The following CDH13 variants were observed in gnomAD, a reference collection of about 807,000 sequenced individuals.
The protein encoded by CDH13 is cadherin 13, also known as cadherin-13.
Under a neutral mutation model 63.8 loss-of-function variants are expected in CDH13, and 24 were observed. The observed-to-expected ratio is 0.38, with a 90% CI of 0.27 to 0.53. CDH13 has a LOEUF of 0.53. Among genes scored for constraint, CDH13 ranks in the 20% least tolerant of loss-of-function variants. The pLI is 0.85. For synonymous variants in CDH13, 503 were observed against 355.3 expected, an observed-to-expected ratio of 1.42 and a Z score of -4.67; for missense variants, 1,049 against 903.1, an observed-to-expected ratio of 1.16 and a Z score of -2.07.
chr16:83,537,725 A>G (rs895980731), intron 7 of CDH13, among the ~76,000 whole-genome samples: 3 of 152,198 alleles, frequency 2.0e-5, no homozygotes, highest in Non-Finnish European at 4.4e-5. Flanking sequence ...AAATAAATCT[A>G]TATTAGATTA....
At chr16:82,744,440 A>AT (rs1265059092) in intron 1 of CDH13, among the ~76,000 whole-genome samples, 2 of 151,836 alleles carry the variant, frequency 1.3e-5, no homozygotes, top group Admixed American at 6.6e-5. Context: ...GTTCCTAGGG[A>AT]TTTTTTTGAA....
chr16:83,619,766 C>T (rs892008590), intron 8 of CDH13, among the ~76,000 whole-genome samples: 1 of 152,236 alleles, frequency 6.6e-6, no homozygotes, highest in Admixed American at 6.5e-5. Context: ...TAACTTGATT[C>T]TCTCTGTCAA....
At chr16:83,295,938 A>G (rs1001012591) in intron 5 of CDH13, among the ~76,000 whole-genome samples, 3 of 152,198 alleles carry the variant, frequency 2.0e-5, no homozygotes, top group African/African-American at 4.8e-5. Context: ...CAGTGGATCA[A>G]TGGATCAATG....
intron 7 of CDH13, among the ~76,000 whole-genome samples, chr16:83,557,807 C>A (rs565002479): frequency 6.6e-6 from 1 of 152,230 alleles, no homozygotes; most frequent in African/African-American, 2.4e-5. Context: ...TTCAGACTTC[C>A]CCAGCCACCT....
intron 3 of CDH13, among the ~76,000 whole-genome samples, chr16:83,038,512 T>C (rs1242094669): frequency 6.6e-6 from 1 of 152,154 alleles, no homozygotes; most frequent in African/African-American, 2.4e-5. Flanking sequence ...ACAAAAGGGC[T>C]CTCCTGTCTG....
intron 2 of CDH13, among the ~76,000 whole-genome samples, chr16:83,008,301 G>C (rs1397763334): frequency 6.6e-6 from 1 of 152,240 alleles, no homozygotes; most frequent in East Asian, 1.9e-4. Context: ...GGAAGGGGCA[G>C]ATAACAAAGG....
chr16:82,806,658 T>G (rs900983047), intron 1 of CDH13, among the ~76,000 whole-genome samples: 5 of 150,558 alleles, frequency 3.3e-5, no homozygotes, highest in African/African-American at 1.2e-4. Context: ...GTGGGATTTT[T>G]GTTGTTGTTG....
intron 1 of CDH13, among the ~76,000 whole-genome samples, chr16:82,748,202 C>T (rs1280156212): frequency 2.0e-5 from 3 of 152,272 alleles, no homozygotes; most frequent in Admixed American, 6.5e-5. Flanking sequence ...TGTAGTGGGA[C>T]GTACAACAAC....
intron 4 of CDH13, among the ~76,000 whole-genome samples, chr16:83,201,924 T>TA: frequency 6.6e-6 from 1 of 151,668 alleles, no homozygotes; most frequent in African/African-American, 2.4e-5. Context: ...CAAAAATAAA[T>TA]AAAAAAGATT....
At chr16:83,636,621 A>G (rs190127761) in intron 8 of CDH13, among the ~76,000 whole-genome samples, 5 of 152,290 alleles carry the variant, frequency 3.3e-5, no homozygotes, top group Non-Finnish European at 7.4e-5. Flanking sequence ...ATTATTTTCT[A>G]TGGTTACATA....
chr16:83,064,355 T>C (rs1255566928), intron 3 of CDH13, among the ~76,000 whole-genome samples: 1 of 93,528 alleles, frequency 1.1e-5, no homozygotes, highest in East Asian at 8.3e-4. Context: ...GGTGACAAAG[T>C]GAGACTGTCT....
At chr16:83,153,683 A>G (rs962344036) in intron 4 of CDH13, among the ~76,000 whole-genome samples, 3 of 152,198 alleles carry the variant, frequency 2.0e-5, no homozygotes, top group Non-Finnish European at 2.9e-5. Flanking sequence ...TTTCAATCCT[A>G]TAAGACCAAC....
intron 6 of CDH13, among the ~76,000 whole-genome samples, chr16:83,384,402 A>G (rs1276020633): frequency 6.6e-6 from 1 of 152,206 alleles, no homozygotes; most frequent in Non-Finnish European, 1.5e-5. Context: ...TGAAAGAAGG[A>G]AATAGACTAC....
intron 1 of CDH13, among the ~76,000 whole-genome samples, chr16:82,664,947 A>G (rs1280555406): frequency 2.0e-5 from 3 of 152,186 alleles, no homozygotes; most frequent in Non-Finnish European, 4.4e-5. Flanking sequence ...CTCATTATTC[A>G]TGAATTCTGT....
At chr16:82,640,574 G>A (rs1909274874) in intron 1 of CDH13, among the ~76,000 whole-genome samples, 2 of 152,160 alleles carry the variant, frequency 1.3e-5, no homozygotes, top group Non-Finnish European at 1.5e-5. Context: ...AACACAAGCA[G>A]AGCTAGATTG....
chr16:83,268,232 A>C (rs541420282), intron 5 of CDH13, among the ~76,000 whole-genome samples: 21 of 152,242 alleles, frequency 1.4e-4, no homozygotes, highest in African/African-American at 5.1e-4. Context: ...ATATACCTAT[A>C]CTCATGTTGT....
intron 5 of CDH13, among the ~76,000 whole-genome samples, chr16:83,307,024 C>T (rs1456872626): frequency 2.0e-5 from 3 of 152,196 alleles, no homozygotes; most frequent in Non-Finnish European, 2.9e-5. Flanking sequence ...AAACCTCTTT[C>T]GGCATGAATA....
chr16:83,226,255 G>T (rs887628352), intron 5 of CDH13, among the ~76,000 whole-genome samples: 1 of 152,192 alleles, frequency 6.6e-6, no homozygotes, highest in Non-Finnish European at 1.5e-5. Context: ...GCATGAAGAG[G>T]TTAAACGACC....
chr16:82,941,768 G>GTA (rs1277797277), intron 2 of CDH13, among the ~76,000 whole-genome samples: 2 of 152,050 alleles, frequency 1.3e-5, no homozygotes, highest in African/African-American at 4.8e-5. Flanking sequence ...GTTCTGCCCA[G>GTA]TATATGGGGG....
Sources: gnomAD v4.1 joint callset for allele counts (sites outside exome capture counted in the v4.1 genomes callset) on GRCh38, gnomAD v4.1.1 for gene constraint, MANE v1.5 for transcripts, NCBI Gene and HGNC (gene_info 2026-07-23, HGNC 2026-07-21) for gene names.